Variants in CEP164 observed in about 807,000 individuals in gnomAD.
CEP164 encodes centrosomal protein of 164 kDa.
Under a neutral mutation model 182.7 loss-of-function variants are expected in CEP164, and 162 were observed. That is an observed-to-expected ratio of 0.89 (90% CI 0.78 to 1.01). The LOEUF (loss-of-function observed/expected upper bound fraction) is 1.01, where lower values mean the gene tolerates loss of function less well. CEP164 is among the 50% of genes least tolerant of loss of function. CEP164 has a pLI of 0.00. For missense variants in CEP164, 1,735 were observed against 1,790.4 expected (o/e 0.97, Z 0.56); for synonymous variants, 661 against 690.0 (o/e 0.96, Z 0.66).
At chr11:117,405,921 G>T (rs985700108) in intron 27 of CEP164, among the ~76,000 whole-genome samples, 1 of 152,124 alleles carries the variant, frequency 6.6e-6, no homozygotes, top group African/African-American at 2.4e-5. Context: ...GGACCTTATT[G>T]TTCATATCAC....
At chr11:117,408,816 T>C in intron 28 of CEP164, 74 bp from the exon 29 acceptor site, 1 of 1,591,728 alleles carries the variant, frequency 6.3e-7, no homozygotes, top group Non-Finnish European at 8.6e-7. Flanking sequence ...TCCCAGCCAC[T>C]TCCTAGGAAG....
intron 2 of CEP164, among the ~76,000 whole-genome samples, chr11:117,337,917 G>A (rs1177297901): frequency 6.6e-6 from 1 of 152,104 alleles, no homozygotes; most frequent in African/African-American, 2.4e-5. Context: ...CCCCACTCTG[G>A]AACACCTGTC....
chr11:117,380,275 C>T (rs1309576653), intron 11 of CEP164, among the ~76,000 whole-genome samples: 1 of 152,160 alleles, frequency 6.6e-6, no homozygotes, highest in Non-Finnish European at 1.5e-5. Context: ...CTCTGCACAG[C>T]TCACAGTGCA....
chr11:117,358,908 A>G (rs2040613244), intron 5 of CEP164, among the ~76,000 whole-genome samples: 1 of 150,542 alleles, frequency 6.6e-6, no homozygotes, highest in African/African-American at 2.4e-5. Context: ...TTCCAATCCC[A>G]TCTCTGCCCC....
chr11:117,356,013 G>T, intron 5 of CEP164: 1 of 1,140,534 alleles, frequency 8.8e-7, no homozygotes, highest in Non-Finnish European at 1.1e-6. Context: ...AGCAGCAGCA[G>T]CAGCAGCAAC....
intron 3 of CEP164, 146 bp from the exon 4 acceptor site, chr11:117,344,020 G>A: frequency 1.7e-6 from 1 of 587,658 alleles, no homozygotes. Flanking sequence ...TAAATTGTAA[G>A]GAAACAATTA....
chr11:117,373,901 AT>A, intron 10 of CEP164, 70 bp downstream of exon 10: 1 of 1,367,190 alleles, frequency 7.3e-7, no homozygotes, highest in African/African-American at 1.4e-5. Flanking sequence ...GGGTTAAGTA[AT>A]TTGCCTAGCA....
At chr11:117,387,084 C>T (rs1686109107) in intron 14 of CEP164, 119 bp from the exon 15 acceptor site, 10 of 885,842 alleles carry the variant, frequency 1.1e-5, no homozygotes, top group Non-Finnish European at 1.8e-5. Flanking sequence ...CTCTTTGACT[C>T]CTGATTGTGG....
chr11:117,409,614 T>C lies in CEP164; in HGVS notation c.3749-4T>C, dbSNP rs1198441378. The stretch of plus-strand genomic sequence containing the variant: ...CTTCCCACCATCCACCTCTTTTCTT[T>C]CAGTCGACTCAACCCCGAGTCTCAC... On this transcript the variant is annotated splice_polypyrimidine_tract_variant and splice_region_variant and intron_variant, in intron 29 of 32. Transcript: ENST00000278935. This position sits in a 1 kb window ranked among gnomAD's most constrained non-coding sequence, Gnocchi z 4.4. 5.0e-6 allele frequency: 8 copies of C among 1,601,660 alleles called. No homozygotes were observed. Among genetic ancestry groups the C allele is most frequent in the Non-Finnish European group, 6.8e-6 (8 of 1,171,214 alleles).
At chr11:117,367,501 G>T (rs2041774493) in intron 8 of CEP164, among the ~76,000 whole-genome samples, 1 of 152,188 alleles carries the variant, frequency 6.6e-6, no homozygotes, top group African/African-American at 2.4e-5. Context: ...TCTCTCACGT[G>T]TAAGAATGGG....
Position 117,409,796 on chromosome 11 carries a change from C to CA in CEP164, c.3927_3928insA (p.Pro1310ThrfsTer80). 6.2e-7 allele frequency: 1 copy of CA among 1,610,534 alleles called. No homozygotes were observed. Among genetic ancestry groups the CA allele is most frequent in the Non-Finnish European group, 8.5e-7 (1 of 1,178,752 alleles). On this transcript the variant is annotated frameshift_variant, in exon 30 of 33. Coordinates refer to ENST00000278935, the MANE Select transcript of CEP164 (RefSeq NM_014956.5). LOFTEE classifies it high-confidence loss of function. The surrounding 1 kb of genome is among the most constrained non-coding windows in gnomAD (Gnocchi z 4.4). ...TCCCTCCCCGGGACCCTAAGAGCAC[C>CA]CCCACCCCCACCTACTATGGCTCCC...
At position 117,381,777 on chromosome 11, in the gene CEP164, C is replaced by G. The variant is rs777152676; in HGVS notation, c.1486C>G (p.Gln496Glu). ...CCTGGCCACTGAAGAAGAGCCTCCC[C>G]AGGGCCCCGAGGGGCAGCCCGAGTG... ...RSLATEEEPPQGPEGQPEWKE... is the reference protein window; with the variant it reads ...RSLATEEEPPEGPEGQPEWKE... Residue 496 changes from glutamine (Q) to glutamate (E), a missense_variant, in exon 13 of 33, where the codon CAG (glutamine) becomes GAG (glutamate). Physicochemically the swap from Gln to Glu is conservative, Grantham distance 29. Transcript: ENST00000278935. 2 of 1,596,608 alleles carry G rather than the reference C, an allele frequency of 1.3e-6. No homozygotes were observed. Among genetic ancestry groups the G allele is most frequent in the Admixed American group, 1.7e-5 (1 of 58,000 alleles).
At chr11:117,370,216 G>A (rs529986325) in intron 8 of CEP164, among the ~76,000 whole-genome samples, 28 of 151,628 alleles carry the variant, frequency 1.8e-4, no homozygotes, top group African/African-American at 5.8e-4. Context: ...GACCCAAGTC[G>A]GCAGTGCTCG....
intron 12 of CEP164, 38 bp downstream of exon 12, chr11:117,380,743 T>TGCGCTGC: frequency 3.2e-6 from 5 of 1,551,486 alleles, no homozygotes; most frequent in Non-Finnish European, 4.4e-6. Context: ...CGCTGTGCCT[T>TGCGCTGC]CAGGGTGGTG....
At position 117,402,780 on chromosome 11, in the gene CEP164, C is replaced by G. The variant is rs745725077; in HGVS notation, c.3502-5145C>G. Among the ~76,000 whole-genome samples, 7 of 152,254 alleles carry G rather than the reference C, an allele frequency of 4.6e-5. No individual in the cohort carries two copies. The East Asian group carries it at 1.2e-3, about 25-fold the overall frequency. ...GAATATCCTTGTCAATTTTCTGTCT[C>G]GTTGATCTGTCTAATATTGGCAGTG... is the stretch of plus-strand genomic sequence containing the variant. On this transcript the variant is annotated intron_variant, in intron 27 of 32. Transcript: ENST00000278935.
chr11:117,396,745 C>A, intron 26 of CEP164, 134 bp downstream of exon 26: 1 of 769,542 alleles, frequency 1.3e-6, no homozygotes, highest in South Asian at 1.5e-5. Context: ...ATGGGGAAGG[C>A]TCCGGAGGAT....
At chr11:117,383,073 C>T (rs919022708) in intron 14 of CEP164, 131 bp downstream of exon 14, 12 of 1,047,912 alleles carry the variant, frequency 1.1e-5, no homozygotes, top group Non-Finnish European at 1.5e-5. Flanking sequence ...GGAGATTAAG[C>T]ATATCCTTGG....
At chr11:117,328,318 G>C (rs2035631852) in intron 1 of CEP164, 1 of 152,338 alleles carries the variant, frequency 6.6e-6, no homozygotes, top group Non-Finnish European at 1.5e-5. Context: ...GAAGCTTGCT[G>C]GGATACTTCT....
intron 11 of CEP164, among the ~76,000 whole-genome samples, chr11:117,376,834 G>A (rs1312859333): frequency 6.6e-6 from 1 of 152,256 alleles, no homozygotes; most frequent in Non-Finnish European, 1.5e-5. Context: ...AGTCAGGAAA[G>A]GTTTGGAGCA....
Sources: gnomAD v4.1 joint callset for allele counts (sites outside exome capture counted in the v4.1 genomes callset) on GRCh38, gnomAD v4.1.1 for gene constraint, Gnocchi (gnomAD v3.1) non-coding constraint, MANE v1.5 for transcripts, NCBI Gene and HGNC (gene_info 2026-07-23, HGNC 2026-07-21) for gene names.